The following ANO1 variants were observed in gnomAD, a reference collection of about 807,000 sequenced individuals.
ANO1 encodes the protein anoctamin-1.
A neutral mutation model predicts 124.0 loss-of-function variants in ANO1; 59 were observed. The ratio of observed to expected loss-of-function variants is 0.48; its 90% CI spans 0.39 to 0.59. ANO1 has a LOEUF of 0.59. ANO1 is among the 20% of genes least tolerant of loss of function. The pLI, the probability that ANO1 is intolerant of heterozygous loss-of-function variation, is 0.00. For missense variants in ANO1, 1,059 were observed against 1,328.0 expected (o/e 0.80, Z 3.15); for synonymous variants, 529 against 532.0 (o/e 0.99, Z 0.08).
chr11:70,010,177 G>GTATATATATATATATATATATATATA (rs1168022913), intron 1 of ANO1, among the ~76,000 whole-genome samples: 2 of 54,500 alleles, frequency 3.7e-5, no homozygotes, highest in African/African-American at 1.1e-4. Flanking sequence ...GCGTGTGTGT[G>GTATATATATATATATATATATATATA]TGTATATATA....
At chr11:70,163,138 T>G in intron 18 of ANO1, 145 bp from the exon 19 acceptor site, 1 of 755,514 alleles carries the variant, frequency 1.3e-6, no homozygotes, top group African/African-American at 1.8e-5. Context: ...TTTTAGCAGA[T>G]GCACCAGGCA....
chr11:70,035,613 G>A (rs1023594069), intron 1 of ANO1, among the ~76,000 whole-genome samples: 2 of 151,688 alleles, frequency 1.3e-5, no homozygotes, highest in African/African-American at 4.8e-5. Flanking sequence ...GTGGTTTGCT[G>A]CACCCATCAA....
At chr11:69,995,597 C>A (rs555020055) in intron 1 of ANO1, among the ~76,000 whole-genome samples, 1 of 152,248 alleles carries the variant, frequency 6.6e-6, no homozygotes, top group Admixed American at 6.5e-5. Flanking sequence ...AAGTGCTGGT[C>A]AGGTCTTTTG....
At chr11:70,032,994 C>T (rs1256599498) in intron 1 of ANO1, among the ~76,000 whole-genome samples, 6 of 152,304 alleles carry the variant, frequency 3.9e-5, no homozygotes, top group African/African-American at 7.2e-5. Flanking sequence ...AGGCACACGG[C>T]GTGCCCGGTT....
chr11:70,110,205 T>A (rs2045716834), intron 6 of ANO1, among the ~76,000 whole-genome samples: 4 of 149,380 alleles, frequency 2.7e-5, no homozygotes, highest in South Asian at 2.1e-4. Context: ...TTTTTTTTTT[T>A]AGACAGAGTG....
At chr11:70,100,703 T>C (rs1241096532) in intron 2 of ANO1, among the ~76,000 whole-genome samples, 1 of 152,032 alleles carries the variant, frequency 6.6e-6, no homozygotes, top group Non-Finnish European at 1.5e-5. Context: ...AGCTGTGAAA[T>C]GAGGATGATG....
chr11:70,061,334 G>C (rs1487655750), intron 1 of ANO1, among the ~76,000 whole-genome samples: 1 of 152,148 alleles, frequency 6.6e-6, no homozygotes, highest in Non-Finnish European at 1.5e-5. Context: ...CAGATCATGA[G>C]AAAGGGCCTG....
At chr11:70,010,179 G>GTATGTGTGTATATATATATA (rs1188271051) in intron 1 of ANO1, among the ~76,000 whole-genome samples, 8 of 83,774 alleles carry the variant, frequency 9.5e-5, no homozygotes, top group African/African-American at 3.3e-4. Context: ...GTGTGTGTGT[G>GTATGTGTGTATATATATATA]TATATATATA....
chr11:70,011,413 T>C lies in ANO1; in HGVS notation c.58+25247T>C, dbSNP rs181221847. On this transcript the variant is annotated intron_variant, in intron 1 of 27. Transcript: ENST00000531349. ...CACACAGGAGCACCCTTTGGGCTTC[T>C]GGTACCCACAGCAGCCATGCTGCCA... is the stretch of plus-strand genomic sequence containing the variant. Among the ~76,000 whole-genome samples the C allele has an allele frequency of 3.3e-3, 498 of 152,316 alleles. 4 individuals are homozygous for C. The highest frequency in any genetic ancestry group is 0.011 in the African/African-American group (478 of 41,568).
rs1332076852 is a variant in ANO1 at position 70,116,397 on chromosome 11, T to C, written c.856-61T>C. The C allele has an allele frequency of 3.4e-6, 5 of 1,476,158 alleles. No individual in the cohort carries two copies. The East Asian group carries it at 9.7e-5, about 29-fold the overall frequency. The allele number at this position is 1,476,158 out of a possible 1,614,324, so 91.4% of individuals were successfully genotyped here. On this transcript the variant is annotated intron_variant, in intron 7 of 25. Transcript: ENST00000355303. Reference sequence around the variant, plus strand: ...GGTTTATGTTTTGAAACATAATGGATGTGAGCGCCTCCAAAGCTCCATTGG... The same window carrying C: ...GGTTTATGTTTTGAAACATAATGGACGTGAGCGCCTCCAAAGCTCCATTGG...
intron 1 of ANO1, among the ~76,000 whole-genome samples, chr11:70,040,120 G>A (rs1322219947): frequency 6.6e-6 from 1 of 152,166 alleles, no homozygotes; most frequent in African/African-American, 2.4e-5. Context: ...CACCCTGCCA[G>A]CCAAGATAAT....
At chr11:70,090,369 C>G in intron 2 of ANO1, among the ~76,000 whole-genome samples, 1 of 152,314 alleles carries the variant, frequency 6.6e-6, no homozygotes, top group Admixed American at 6.5e-5. Flanking sequence ...GAGATCTTAA[C>G]GCTCAACAGG....
chr11:70,118,828 G>T (rs2135446033), intron 8 of ANO1, among the ~76,000 whole-genome samples: 1 of 151,986 alleles, frequency 6.6e-6, no homozygotes, highest in East Asian at 1.9e-4. Context: ...GTGGATGATG[G>T]GTGGGTGTGT....
At chr11:70,133,486 G>A (rs538014176) in intron 11 of ANO1, among the ~76,000 whole-genome samples, 1 of 152,304 alleles carries the variant, frequency 6.6e-6, no homozygotes, top group Admixed American at 6.5e-5. Context: ...TCTCTGGCCT[G>A]CACAGAAGCA....
intron 22 of ANO1, among the ~76,000 whole-genome samples, chr11:70,177,594 C>CTTTTTTTT (rs57647858): frequency 1.3e-4 from 10 of 78,922 alleles, no homozygotes; most frequent in Admixed American, 1.9e-4. Context: ...TTTTTTTTTT[C>CTTTTTTTT]TTTTTTTTTT....
chr11:70,045,923 A>G (rs1395696217), intron 1 of ANO1, among the ~76,000 whole-genome samples: 1 of 152,200 alleles, frequency 6.6e-6, no homozygotes, highest in African/African-American at 2.4e-5. Flanking sequence ...TCACCCCTCC[A>G]TCCAGTCTTT....
At chr11:70,033,136 T>A (rs1473645410) in intron 1 of ANO1, among the ~76,000 whole-genome samples, 1 of 151,628 alleles carries the variant, frequency 6.6e-6, no homozygotes, top group Non-Finnish European at 1.5e-5. Context: ...GATCCAGGGG[T>A]CAGGCTCCGG....
At chr11:70,187,178 C>T (rs2049164604) in intron 25 of ANO1, among the ~76,000 whole-genome samples, 1 of 152,248 alleles carries the variant, frequency 6.6e-6, no homozygotes, top group Non-Finnish European at 1.5e-5. Flanking sequence ...CCAGGGGGCA[C>T]CAGCACCGCC....
chr11:70,087,264 G>A lies in ANO1; in HGVS notation c.109-488G>A, dbSNP rs80165354. On this transcript the variant is annotated intron_variant, in intron 1 of 25. Coordinates refer to ENST00000355303, the MANE Select transcript of ANO1 (RefSeq NM_018043.7). ...TATTTTCCCCTCAAGCATTTATCCT[G>A]TGTGTTACAAACAACCCAGTTATGC... is the stretch of plus-strand genomic sequence containing the variant. Among the ~76,000 whole-genome samples, 348 of 152,296 alleles carry A rather than the reference G, an allele frequency of 2.3e-3. 2 individuals are homozygous for A. The highest frequency in any genetic ancestry group is 7.9e-3 in the African/African-American group (329 of 41,546).
Sources: gnomAD v4.1 joint callset for allele counts (sites outside exome capture counted in the v4.1 genomes callset) on GRCh38, gnomAD v4.1.1 for gene constraint, MANE v1.5 for transcripts, NCBI Gene and HGNC (gene_info 2026-07-23, HGNC 2026-07-21) for gene names.